Variants in POLK observed in about 807,000 individuals in gnomAD.
POLK encodes the protein polymerase (DNA directed) kappa.
Under a neutral mutation model 94.0 loss-of-function variants are expected in POLK, and 76 were observed. The ratio of observed to expected loss-of-function variants is 0.81; its 90% CI spans 0.67 to 0.98. POLK has a LOEUF of 0.98. Among genes scored for constraint, POLK ranks in the 50% least tolerant of loss-of-function variants. POLK has a pLI of 0.00. For synonymous variants in POLK, 349 were observed against 325.4 expected, an observed-to-expected ratio of 1.07 and a Z score of -0.78; for missense variants, 954 against 1,010.1, an observed-to-expected ratio of 0.94 and a Z score of 0.75.
chr5:75,596,247 T>C (rs989324191), exon 13 of POLK: 6 of 1,595,296 alleles, frequency 3.8e-6, no homozygotes, highest in East Asian at 4.5e-5. Context: ...GTTTTCCCAA[T>C]GAAGAGGACA....
chr5:75,548,503 TGTA>T (rs1331652106), intron 2 of POLK, among the ~76,000 whole-genome samples: 2 of 149,668 alleles, frequency 1.3e-5, no homozygotes, highest in African/African-American at 4.9e-5. Flanking sequence ...TGTGTATTAA[TGTA>T]TATCAATATT....
downstream of POLK, among the ~76,000 whole-genome samples, chr5:75,602,059 T>A (rs1045712315): frequency 6.6e-6 from 1 of 152,214 alleles, no homozygotes; most frequent in African/African-American, 2.4e-5. Flanking sequence ...GTCACAAGCT[T>A]CCTGGTGCCT....
At chr5:75,533,551 T>A (rs1289539935) in intron 1 of POLK, among the ~76,000 whole-genome samples, 5 of 152,346 alleles carry the variant, frequency 3.3e-5, no homozygotes, top group Middle Eastern at 3.4e-3. Flanking sequence ...TGCTTAGGGT[T>A]ACCTTGGCTA....
intron 9 of POLK, among the ~76,000 whole-genome samples, chr5:75,585,615 C>T (rs372082885): frequency 3.3e-5 from 5 of 152,008 alleles, no homozygotes; most frequent in East Asian, 3.9e-4. Flanking sequence ...GAGGAAATAC[C>T]CTGGGTTTTC....
chr5:75,580,955 CATAAG>C (rs983106960), intron 6 of POLK, among the ~76,000 whole-genome samples: 4 of 150,360 alleles, frequency 2.7e-5, no homozygotes, highest in Non-Finnish European at 5.9e-5. Flanking sequence ...GTGAGTTTTA[CATAAG>C]ATATTTCCTT....
At chr5:75,569,793 C>T (rs968410399) in intron 4 of POLK, among the ~76,000 whole-genome samples, 3 of 152,174 alleles carry the variant, frequency 2.0e-5, no homozygotes, top group Admixed American at 6.5e-5. Context: ...CCATCACTTG[C>T]AGTATGCCCG....
At chr5:75,535,818 C>T (rs1290349427) in intron 1 of POLK, among the ~76,000 whole-genome samples, 1 of 152,182 alleles carries the variant, frequency 6.6e-6, no homozygotes, top group Non-Finnish European at 1.5e-5. Flanking sequence ...TTGGTTCTTT[C>T]ATATAATGGC....
At chr5:75,584,847 C>G (rs911603025) in exon 9 of POLK, 1 of 1,602,334 alleles carries the variant, frequency 6.2e-7, no homozygotes. Flanking sequence ...GAGGGCATTG[C>G]TTTCTCTCCT....
chr5:75,511,078 G>C (rs375786772), upstream of POLK: 3 of 1,512,094 alleles, frequency 2.0e-6, no homozygotes, highest in Admixed American at 6.7e-5. Context: ...AGGTGAGTCT[G>C]GCCAGGGGTC....
At chr5:75,597,120 A>G (rs1297520450) in exon 13 of POLK, 2 of 1,612,016 alleles carry the variant, frequency 1.2e-6, no homozygotes, top group Non-Finnish European at 8.5e-7. Context: ...TTATCCAAGA[A>G]TTAAGAAAGG....
chr5:75,600,300 T>C lies in POLK; in HGVS notation c.*2282T>C, dbSNP rs545244141. On this transcript the variant is annotated 3_prime_UTR_variant, in exon 15 of 15. Transcript: ENST00000241436. ...AGGAGGTATTACATCTTTACCTTAT[T>C]TGCAAAAATGAAATGATCTAATGAT... 4.6e-5 allele frequency: 7 copies of C among 152,316 alleles called. No individual in the cohort carries two copies. In the South Asian group the frequency reaches 1.4e-3, roughly 32 times the overall value. 9.4% of individuals were successfully genotyped at this position (152,316 alleles called of 1,614,324 possible).
At chr5:75,516,419 C>CA (rs1347107062) in intron 1 of POLK, among the ~76,000 whole-genome samples, 1 of 150,306 alleles carries the variant, frequency 6.7e-6, no homozygotes, top group Non-Finnish European at 1.5e-5. Context: ...CCTACTTTTG[C>CA]AAAAAGAATT....
At chr5:75,511,514 C>A, upstream of POLK, 2 of 1,473,414 alleles carry the variant, frequency 1.4e-6, no homozygotes, top group Non-Finnish European at 1.8e-6. Flanking sequence ...CCCTCGATGC[C>A]AATTTCAAAT....
chr5:75,568,338 C>T lies in POLK; in HGVS notation c.256-1002C>T, dbSNP rs1771392136. 2.6e-5 allele frequency among the ~76,000 whole-genome samples: 4 copies of T among 152,102 alleles called. No homozygotes were observed. The South Asian group carries it at 8.3e-4, about 31-fold the overall frequency. ...TACTTTAATGGTCTTGGTAACTTCCCTATGTTGCATAGATCACAACTATTA... is the reference window on the plus strand; with the variant it reads ...TACTTTAATGGTCTTGGTAACTTCCTTATGTTGCATAGATCACAACTATTA... On this transcript the variant is annotated intron_variant, in intron 3 of 14. Coordinates refer to ENST00000241436, the Ensembl canonical transcript of POLK.
chr5:75,531,596 C>G, intron 1 of POLK, among the ~76,000 whole-genome samples: 1 of 151,802 alleles, frequency 6.6e-6, no homozygotes, highest in African/African-American at 2.4e-5. Context: ...AGTTCAAGAC[C>G]AGCCTGGCCA....
intron 5 of POLK, among the ~76,000 whole-genome samples, chr5:75,575,112 TG>T (rs1339704012): frequency 6.6e-6 from 1 of 152,226 alleles, no homozygotes; most frequent in Non-Finnish European, 1.5e-5. Flanking sequence ...GTAAATGAAC[TG>T]TAGAACAAAT....
At chr5:75,511,053 G>T, upstream of POLK, 2 of 1,467,714 alleles carry the variant, frequency 1.4e-6, no homozygotes. Flanking sequence ...CCGCCTCAGC[G>T]GATTGCCTCG....
At chr5:75,531,694 G>A (rs59011812) in intron 1 of POLK, among the ~76,000 whole-genome samples, 5,012 of 152,092 alleles carry the variant, frequency 0.033, 270 homozygotes, top group African/African-American at 0.11. Context: ...TTGGGAGGCC[G>A]AGGCAAAGAA....
At chr5:75,561,869 T>C (rs1771001256) in intron 3 of POLK, among the ~76,000 whole-genome samples, 1 of 152,208 alleles carries the variant, frequency 6.6e-6, no homozygotes, top group South Asian at 2.1e-4. Context: ...GGTCTATATA[T>C]CTGCTTTGTT....
Sources: gnomAD v4.1 joint callset for allele counts (sites outside exome capture counted in the v4.1 genomes callset) on GRCh38, gnomAD v4.1.1 for gene constraint, MANE v1.5 for transcripts, NCBI Gene and HGNC (gene_info 2026-07-23, HGNC 2026-07-21) for gene names.